Variants in CIZ1 observed in about 807,000 individuals in gnomAD.
CIZ1 encodes CDKN1A interacting zinc finger protein 1.
CIZ1 carries 58 observed loss-of-function variants against 118.6 expected under a neutral mutation model. The ratio of observed to expected loss-of-function variants is 0.49; its 90% CI spans 0.40 to 0.61. The LOEUF (loss-of-function observed/expected upper bound fraction) is 0.61, where lower values mean the gene tolerates loss of function less well. CIZ1 is among the 20% of genes least tolerant of loss of function. The probability of loss-of-function intolerance (pLI) is 0.00; values close to 1 mark genes in which losing one functional copy is unlikely to be tolerated. For missense variants in CIZ1, 921 were observed against 1,115.9 expected (o/e 0.83, Z 2.49); for synonymous variants, 448 against 443.4 (o/e 1.01, Z -0.13).
At position 128,190,704 on chromosome 9, in the gene CIZ1, G is replaced by A; in HGVS notation, c.154C>T (p.Pro52Ser). 2 of 1,552,234 alleles carry A rather than the reference G, an allele frequency of 1.3e-6. No homozygotes were observed. The highest frequency in any genetic ancestry group is 1.7e-6 in the Non-Finnish European group (2 of 1,149,508). ...GGAACTCACCGGCTGACAGCCATGG[G>A]CAACGGGGCCTGTGGTGGGGACTGC... ...LQQSPPQAPL[P>S]MAVSRGLPPQ... The change falls in exon 2 of 17, where the codon CCC becomes TCC. Residue 52 changes from proline to serine, a missense_variant. Coordinates refer to ENST00000372938, the MANE Select transcript of CIZ1 (RefSeq NM_001131016.2).
chr9:128,174,805 T>G (rs1236873752), intron 11 of CIZ1, among the ~76,000 whole-genome samples: 1 of 152,110 alleles, frequency 6.6e-6, no homozygotes, highest in Non-Finnish European at 1.5e-5. Flanking sequence ...ATCACAGGCA[T>G]GCACCACCAT....
Position 128,190,569 on chromosome 9 carries a change from T to C in CIZ1, c.170+119A>G, listed in dbSNP as rs1416994058. 1.1e-5 allele frequency: 15 copies of C among 1,389,490 alleles called. No individual in the cohort carries two copies. The South Asian group carries it at 1.5e-4, about 14-fold the overall frequency. 86.1% of individuals were successfully genotyped at this position (1,389,490 alleles called of 1,614,324 possible). A position where few individuals can be genotyped will look rare whatever the true frequency, so the allele number is the denominator to read the frequency against. ...GACAGAGGACCCCTTGGGGCTGGAATTGGTGATCTCCAGGACTCAAACGGG... is the reference window on the plus strand; with the variant it reads ...GACAGAGGACCCCTTGGGGCTGGAACTGGTGATCTCCAGGACTCAAACGGG... On this transcript the variant is annotated intron_variant, in intron 2 of 16. Transcript: ENST00000372938.
Position 128,191,492 on chromosome 9 carries a change from C to G in CIZ1, c.-66G>C, listed in dbSNP as rs1299071422. ...CCCCACGGATGGGCCGGCCCCGCAG[C>G]CCCCACGCCTCGGCCGGGCGGCTCC... On this transcript the variant is annotated 5_prime_UTR_variant, in exon 1 of 17. Coordinates refer to ENST00000372938, the MANE Select transcript of CIZ1 (RefSeq NM_001131016.2). The surrounding 1 kb of genome is among the most constrained non-coding windows in gnomAD (Gnocchi z 5.5). The G allele has an allele frequency of 2.0e-6, 2 of 995,872 alleles. No homozygotes were observed. Among genetic ancestry groups the G allele is most frequent in the African/African-American group, 1.7e-5 (1 of 57,868 alleles). The allele number at this position is 995,872 out of a possible 1,614,324, so 61.7% of individuals were successfully genotyped here. A position where few individuals can be genotyped will look rare whatever the true frequency, so the allele number is the denominator to read the frequency against.
intron 5 of CIZ1, among the ~76,000 whole-genome samples, chr9:128,184,800 C>T (rs1329972189): frequency 6.6e-6 from 1 of 151,850 alleles, no homozygotes; most frequent in African/African-American, 2.4e-5. Flanking sequence ...CCTGAGTAGC[C>T]AGGATTACAG....
intron 1 of CIZ1, chr9:128,202,666 T>C (rs1489755412): frequency 6.6e-6 from 1 of 152,240 alleles, no homozygotes; most frequent in Non-Finnish European, 1.5e-5. Flanking sequence ...ATGTGAACTT[T>C]CCACACCCAC....
intron 11 of CIZ1, among the ~76,000 whole-genome samples, chr9:128,171,728 C>G (rs1830143634): frequency 6.6e-6 from 1 of 151,920 alleles, no homozygotes; most frequent in African/African-American, 2.4e-5. Context: ...AAGAGCAAGA[C>G]TCCGTCTCAG....
Position 128,177,719 on chromosome 9 carries a change from G to T in CIZ1, c.1665C>A (p.Ser555Arg), listed in dbSNP as rs1281425245. Residue 555 changes from serine (S) to arginine (R), a missense_variant, in exon 10 of 17, where the codon AGC (serine) becomes AGA (arginine). Transcript: ENST00000372938. ...CAGTGCTAAAGGCCCGGCTGTCACT[G>T]CTCTGCAGAATGGTGACCTTCAGGG... ...GGSLKVTILQSSDSRAFSTVP... is the reference protein window; with the variant it reads ...GGSLKVTILQRSDSRAFSTVP... 6.2e-7 allele frequency: 1 copy of T among 1,607,660 alleles called. No homozygotes were observed.
At chr9:128,200,730 T>C (rs1588287477) in intron 1 of CIZ1, among the ~76,000 whole-genome samples, 1 of 146,836 alleles carries the variant, frequency 6.8e-6, no homozygotes, top group Non-Finnish European at 1.5e-5. Context: ...CCAGCTACTT[T>C]GGAGGCTGAG....
chr9:128,191,889 G>C, upstream of CIZ1: 1 of 1,450,202 alleles, frequency 6.9e-7, no homozygotes. The surrounding 1 kb of genome is among the most constrained non-coding windows in gnomAD (Gnocchi z 5.5). Context: ...CGATCCTGGG[G>C]CCCCGCGCGG....
chr9:128,202,374 G>A (rs1044356186), intron 1 of CIZ1, among the ~76,000 whole-genome samples: 1 of 152,178 alleles, frequency 6.6e-6, no homozygotes, highest in African/African-American at 2.4e-5. Flanking sequence ...TGTGTGAAAG[G>A]GTACGCAGGG....
chr9:128,173,006 C>T lies in CIZ1; in HGVS notation c.1944-2899G>A, dbSNP rs561833916. 2.1e-3 allele frequency among the ~76,000 whole-genome samples: 322 copies of T among 152,234 alleles called. 3 individuals are homozygous for T. The highest frequency in any genetic ancestry group is 7.5e-3 in the African/African-American group (311 of 41,554). ...AAATCAGACTTTAAAGCAGCTTGCT[C>T]CAGGCTGGAGTGCAGTGGCATGATC... On this transcript the variant is annotated intron_variant, in intron 11 of 16. Transcript: ENST00000372938.
chr9:128,189,257 T>C (rs924263545), intron 3 of CIZ1, among the ~76,000 whole-genome samples: 3 of 151,974 alleles, frequency 2.0e-5, no homozygotes, highest in Non-Finnish European at 4.4e-5. Context: ...ATGTTTTAAA[T>C]GGGAAAGAAA....
chr9:128,180,703 G>A lies in CIZ1; in HGVS notation c.682+18C>T, dbSNP rs369935358. The A allele has an allele frequency of 3.5e-5, 56 of 1,579,442 alleles. No individual in the cohort carries two copies. The African/African-American group carries it at 6.8e-4, about 19-fold the overall frequency. ...CCATTCATGTCCCTCTGAAGGGCCA[G>A]CAGCCTCCCTCCCTCACCTTCTGGT... On this transcript the variant is annotated intron_variant, in intron 6 of 16. Coordinates refer to ENST00000372938, the MANE Select transcript of CIZ1 (RefSeq NM_001131016.2).
upstream of CIZ1, among the ~76,000 whole-genome samples, chr9:128,192,916 C>G (rs542417244): frequency 1.3e-5 from 2 of 152,334 alleles, no homozygotes; most frequent in East Asian, 3.9e-4. Flanking sequence ...ACTCCTCGCC[C>G]TGCCTTCCGC....
intron 12 of CIZ1, 43 bp from the exon 13 acceptor site, chr9:128,169,562 GC>G (rs1304543329): frequency 1.2e-6 from 2 of 1,608,614 alleles, no homozygotes; most frequent in Non-Finnish European, 1.7e-6. Flanking sequence ...CCAGCTGCAA[GC>G]CCCCTGACTA....
chr9:128,178,139 G>A (rs1264014237), intron 9 of CIZ1, among the ~76,000 whole-genome samples: 1 of 152,168 alleles, frequency 6.6e-6, no homozygotes, highest in East Asian at 1.9e-4. Flanking sequence ...CTTGGGGATG[G>A]GCAGGCTGGA....
chr9:128,176,215 C>T (rs1830826563), intron 11 of CIZ1, 136 bp downstream of exon 11: 8 of 1,087,618 alleles, frequency 7.4e-6, no homozygotes, highest in African/African-American at 3.1e-5. Context: ...CAAGGTCACA[C>T]AGTTAACAGT....
At chr9:128,179,552 C>T in intron 7 of CIZ1, 137 bp from the exon 8 acceptor site, 4 of 723,796 alleles carry the variant, frequency 5.5e-6, no homozygotes, top group Non-Finnish European at 8.8e-6. Context: ...GCAGGTGGAT[C>T]ATTTGAGGTC....
At position 128,166,850 on chromosome 9, in the gene CIZ1, T is replaced by C. The variant is rs1829490863; in HGVS notation, c.2396A>G (p.Tyr799Cys). ...GVDFLVPVMG[Y>C]ICRICHKFYH... ...GAACTTGTGGCAGATGCGGCAGATA[T>C]AGCCCATCACGGGCACCAGGAAGTC... The change falls in exon 16 of 17, where the codon TAT becomes TGT. Residue 799 changes from tyrosine (Y) to cysteine (C), a missense_variant. Transcript: ENST00000372938. This position sits in a 1 kb window ranked among gnomAD's most constrained non-coding sequence, Gnocchi z 4.4. 2 of 1,614,188 alleles carry C rather than the reference T, an allele frequency of 1.2e-6. No homozygotes were observed. The highest frequency in any genetic ancestry group is 1.1e-5 in the South Asian group (1 of 91,092).
Sources: allele counts gnomAD v4.1 joint callset (sites outside exome capture counted in the v4.1 genomes callset), GRCh38; gene constraint gnomAD v4.1.1; non-coding constraint Gnocchi (gnomAD v3.1); transcripts MANE v1.5; gene names NCBI Gene and HGNC (gene_info 2026-07-23, HGNC 2026-07-21).